FBXO11: variants seen among roughly 807,000 people sequenced by gnomAD.
The protein encoded by FBXO11 is F-box protein 11.
FBXO11 carries 13 observed loss-of-function variants against 117.0 expected under a neutral mutation model. The observed-to-expected ratio is 0.11, with a 90% CI of 0.07 to 0.18. The LOEUF (loss-of-function observed/expected upper bound fraction) is 0.18. Among genes scored for constraint, FBXO11 ranks in the 10% least tolerant of loss-of-function variants. The probability of loss-of-function intolerance (pLI) is 1.00; values close to 1 mark genes in which losing one functional copy is unlikely to be tolerated. For missense variants in FBXO11, 767 were observed against 1,164.4 expected (o/e 0.66, Z 4.97); for synonymous variants, 490 against 380.5 (o/e 1.29, Z -3.35).
chr2:47,849,448 G>C (rs1222717845), intron 1 of FBXO11, among the ~76,000 whole-genome samples: 1 of 152,052 alleles, frequency 6.6e-6, no homozygotes, highest in African/African-American at 2.4e-5. Flanking sequence ...TACTTAAAAT[G>C]ACTTAAAAAA....
At chr2:47,903,696 C>T (rs779845219) in intron 1 of FBXO11, among the ~76,000 whole-genome samples, 5 of 152,162 alleles carry the variant, frequency 3.3e-5, no homozygotes, top group African/African-American at 4.8e-5. Flanking sequence ...TAACCAATTA[C>T]CACATCTTGA....
At chr2:47,901,050 TAC>T (rs371798769) in intron 1 of FBXO11, among the ~76,000 whole-genome samples, 68 of 133,036 alleles carry the variant, frequency 5.1e-4, no homozygotes, top group African/African-American at 1.6e-3. Flanking sequence ...TGTACATATA[TAC>T]ACATATATAT....
At chr2:47,870,203 C>G (rs1675522553) in intron 1 of FBXO11, among the ~76,000 whole-genome samples, 1 of 152,202 alleles carries the variant, frequency 6.6e-6, no homozygotes, top group Admixed American at 6.5e-5. Context: ...CCAGAGAACC[C>G]TAATACACAT....
chr2:47,832,408 T>G lies in FBXO11; in HGVS notation c.1339A>C (p.Arg447=). The G allele has an allele frequency of 6.2e-7, 1 of 1,613,670 alleles. No homozygotes were observed. The highest frequency in any genetic ancestry group is 8.5e-7 in the Non-Finnish European group (1 of 1,179,704). The change falls in exon 11 of 23, where the codon AGA becomes CGA. Residue 447 remains arginine, a synonymous_variant. Coordinates refer to ENST00000403359, the MANE Select transcript of FBXO11 (RefSeq NM_001190274.2). The part of the protein sequence containing the change: ...WVKNHGNPII[R]RNHIHHGRDV... ...CGTCCATGATGAATATGATTCCGTC[T>G]AATAATTGGGTTTCCATGATTTTTA...
At chr2:47,827,682 C>T (rs1558418645) in intron 11 of FBXO11, among the ~76,000 whole-genome samples, 5 of 150,680 alleles carry the variant, frequency 3.3e-5, no homozygotes. Flanking sequence ...ATCAATAATA[C>T]AGAACTGTAA....
At chr2:47,888,699 T>A (rs1677046456) in intron 1 of FBXO11, 1 of 980,364 alleles carries the variant, frequency 1.0e-6, no homozygotes, top group Non-Finnish European at 1.2e-6. Context: ...TGCAATGTTT[T>A]ACAAATCTTA....
At chr2:47,891,324 T>C (rs1473767681) in intron 1 of FBXO11, among the ~76,000 whole-genome samples, 1 of 152,052 alleles carries the variant, frequency 6.6e-6, no homozygotes, top group East Asian at 1.9e-4. Flanking sequence ...ACGATTCCAC[T>C]CTTTGATTCT....
At chr2:47,900,168 AAC>A in intron 1 of FBXO11, among the ~76,000 whole-genome samples, 1 of 152,232 alleles carries the variant, frequency 6.6e-6, no homozygotes, top group Non-Finnish European at 1.5e-5. Context: ...CACTAATAGC[AAC>A]ACTACTCTGT....
intron 1 of FBXO11, among the ~76,000 whole-genome samples, chr2:47,862,472 A>T (rs1674852506): frequency 6.6e-6 from 1 of 152,174 alleles, no homozygotes; most frequent in African/African-American, 2.4e-5. Context: ...TATTTTTTTA[A>T]GAGATAATGT....
chr2:47,844,696 G>A (rs1183531429), intron 1 of FBXO11, among the ~76,000 whole-genome samples: 2 of 152,066 alleles, frequency 1.3e-5, no homozygotes, highest in African/African-American at 2.4e-5. Flanking sequence ...TCTGTCACCC[G>A]GCTGGAGTGC....
chr2:47,814,530 C>T (rs1156652145), intron 16 of FBXO11, among the ~76,000 whole-genome samples: 1 of 152,042 alleles, frequency 6.6e-6, no homozygotes, highest in Non-Finnish European at 1.5e-5. Context: ...AGGTGCACAC[C>T]ACCATGCCCA....
chr2:47,885,834 C>T (rs922370399), intron 1 of FBXO11, among the ~76,000 whole-genome samples: 3 of 152,186 alleles, frequency 2.0e-5, no homozygotes, highest in Non-Finnish European at 4.4e-5. Context: ...CCCATTCTCT[C>T]TCACTAAGAA....
At chr2:47,887,581 C>T (rs1395980637) in intron 1 of FBXO11, among the ~76,000 whole-genome samples, 1 of 151,672 alleles carries the variant, frequency 6.6e-6, no homozygotes, top group Non-Finnish European at 1.5e-5. Context: ...CTTTGTGGGG[C>T]CAGGCATGGT....
At chr2:47,825,052 G>A (rs1553338987) in intron 11 of FBXO11, among the ~76,000 whole-genome samples, 1 of 152,056 alleles carries the variant, frequency 6.6e-6, no homozygotes, top group Non-Finnish European at 1.5e-5. Context: ...ATGTATGTAA[G>A]ACTTTACACA....
chr2:47,886,156 A>G (rs564221332), intron 1 of FBXO11, among the ~76,000 whole-genome samples: 32 of 152,292 alleles, frequency 2.1e-4, no homozygotes, highest in African/African-American at 6.7e-4. Flanking sequence ...TATATTAATT[A>G]TAATTCAATA....
At chr2:47,869,086 T>C (rs1356826917) in intron 1 of FBXO11, among the ~76,000 whole-genome samples, 4 of 152,198 alleles carry the variant, frequency 2.6e-5, no homozygotes, top group Admixed American at 2.0e-4. Context: ...GACTGTGTGT[T>C]CTGAATCAGT....
At chr2:47,850,403 G>C (rs1451986088) in intron 1 of FBXO11, among the ~76,000 whole-genome samples, 1 of 152,144 alleles carries the variant, frequency 6.6e-6, no homozygotes, top group Non-Finnish European at 1.5e-5. Flanking sequence ...ATAAATAAGA[G>C]AATTTTGTCA....
At chr2:47,881,264 A>T (rs1186214874) in intron 1 of FBXO11, among the ~76,000 whole-genome samples, 4 of 152,100 alleles carry the variant, frequency 2.6e-5, no homozygotes, top group African/African-American at 9.7e-5. Flanking sequence ...AAAAAGAAAG[A>T]AACAAAGAAA....
rs531244037 is a variant in FBXO11 at position 47,866,938 on chromosome 2, G to C, written c.233-27169C>G. Among the ~76,000 whole-genome samples the C allele has an allele frequency of 3.3e-5, 5 of 152,202 alleles. No homozygotes were observed. The South Asian group carries it at 1.0e-3, about 32-fold the overall frequency. On this transcript the variant is annotated intron_variant, in intron 1 of 22. Transcript: ENST00000403359. ...CTGTTCTGACTCTGCAAAATGTTTTGTGTTCTCTGGCATCTTTTATATGTA... is the reference window on the plus strand; with the variant it reads ...CTGTTCTGACTCTGCAAAATGTTTTCTGTTCTCTGGCATCTTTTATATGTA...
Sources: gnomAD v4.1 joint callset for allele counts (sites outside exome capture counted in the v4.1 genomes callset) on GRCh38, gnomAD v4.1.1 for gene constraint, MANE v1.5 for transcripts, NCBI Gene and HGNC (gene_info 2026-07-23, HGNC 2026-07-21) for gene names.